RBFOX1: variants seen among roughly 807,000 people sequenced by gnomAD.
RBFOX1 encodes RNA binding fox-1 homolog 1.
Under a neutral mutation model 57.7 loss-of-function variants are expected in RBFOX1, and 8 were observed. The ratio of observed to expected loss-of-function variants is 0.14; its 90% CI spans 0.08 to 0.25. The LOEUF (loss-of-function observed/expected upper bound fraction) is 0.25. Among genes scored for constraint, RBFOX1 ranks in the 10% least tolerant of loss-of-function variants. The probability of loss-of-function intolerance (pLI) is 1.00; values close to 1 mark genes in which losing one functional copy is unlikely to be tolerated. For synonymous variants in RBFOX1, 326 were observed against 222.4 expected (o/e 1.47, Z -4.15); for missense variants, 611 against 548.5 (o/e 1.11, Z -1.14).
chr16:5,377,626 G>A (rs757861123), intron 1 of RBFOX1, among the ~76,000 whole-genome samples: 1 of 150,968 alleles, frequency 6.6e-6, no homozygotes, highest in East Asian at 1.9e-4. Context: ...CAGAGAGAGA[G>A]AGAACGAGAA....
intron 1 of RBFOX1, among the ~76,000 whole-genome samples, chr16:6,118,603 C>G (rs573600320): frequency 4.6e-5 from 7 of 151,872 alleles, no homozygotes; most frequent in Non-Finnish European, 5.9e-5. Context: ...CTCTCTTTCT[C>G]TGTCTCTCTT....
At chr16:5,640,482 C>G (rs11648140) in intron 3 of RBFOX1, among the ~76,000 whole-genome samples, 3 of 151,454 alleles carry the variant, frequency 2.0e-5, no homozygotes, top group Non-Finnish European at 4.4e-5. Flanking sequence ...ACACCATGCA[C>G]ACACATATAT....
chr16:7,612,319 T>A (rs1209204437), intron 10 of RBFOX1, among the ~76,000 whole-genome samples: 1 of 28,504 alleles, frequency 3.5e-5, no homozygotes, highest in African/African-American at 1.6e-4. Flanking sequence ...AGACTCCATC[T>A]CAAAAAAAAA....
intron 1 of RBFOX1, among the ~76,000 whole-genome samples, chr16:5,357,453 A>C (rs1162200693): frequency 6.6e-6 from 1 of 152,238 alleles, no homozygotes; most frequent in East Asian, 1.9e-4. Flanking sequence ...CTACAGGGAG[A>C]GAGGAGACTG....
intron 3 of RBFOX1, among the ~76,000 whole-genome samples, chr16:7,032,512 C>G (rs561531655): frequency 4.2e-4 from 64 of 152,046 alleles, no homozygotes; most frequent in African/African-American, 1.4e-3. Flanking sequence ...AAAATAAAAC[C>G]TATGGTCATG....
chr16:6,926,845 C>A (rs963733628), intron 3 of RBFOX1, among the ~76,000 whole-genome samples: 2 of 152,134 alleles, frequency 1.3e-5, no homozygotes, highest in East Asian at 3.9e-4. Flanking sequence ...AATACATAAA[C>A]ATCCACGTGA....
chr16:5,314,520 A>C (rs537252781), intron 1 of RBFOX1, among the ~76,000 whole-genome samples: 13 of 152,150 alleles, frequency 8.5e-5, no homozygotes, highest in African/African-American at 2.9e-4. Flanking sequence ...TTCTTTTTTG[A>C]GACTGGATCT....
At chr16:6,943,412 G>C (rs983063944) in intron 3 of RBFOX1, among the ~76,000 whole-genome samples, 1 of 152,140 alleles carries the variant, frequency 6.6e-6, no homozygotes, top group Non-Finnish European at 1.5e-5. Flanking sequence ...TCTAACTTAA[G>C]AGTATGGGCC....
At chr16:5,366,234 A>C in intron 1 of RBFOX1, 1 of 415,032 alleles carries the variant, frequency 2.4e-6, no homozygotes, top group Non-Finnish European at 4.6e-6. Flanking sequence ...TGGAGGTGGT[A>C]GCATGGTTCC....
At position 5,756,725 on chromosome 16, in the gene RBFOX1, A is replaced by G. The variant is rs17138539; in HGVS notation, c.319-110578A>G. On this transcript the variant is annotated intron_variant, in intron 3 of 19. Transcript: ENST00000641259. ...TATCACAGCAGAAAGGCTTATACCT[A>G]ATTCTTTGAGCCAAAGAGACCCCAT... Among the ~76,000 whole-genome samples the G allele has an allele frequency of 6.7e-3, 1,013 of 152,238 alleles. 18 individuals are homozygous for G. The highest frequency in any genetic ancestry group is 0.023 in the African/African-American group (969 of 41,522).
intron 1 of RBFOX1, among the ~76,000 whole-genome samples, chr16:6,231,431 C>T (rs2097459421): frequency 6.6e-6 from 1 of 152,094 alleles, no homozygotes; most frequent in Admixed American, 6.6e-5. Context: ...GAATCCTACC[C>T]AGGTGCTATA....
chr16:5,800,124 T>C (rs1272138612), intron 3 of RBFOX1, among the ~76,000 whole-genome samples: 1 of 151,850 alleles, frequency 6.6e-6, no homozygotes, highest in African/African-American at 2.4e-5. Flanking sequence ...TAGGGAGAAG[T>C]AGGTACAGAA....
chr16:6,859,111 G>GTATATATATATATATATATA (rs796794349), intron 3 of RBFOX1, among the ~76,000 whole-genome samples: 1 of 65,126 alleles, frequency 1.5e-5, no homozygotes, highest in Non-Finnish European at 2.7e-5. Context: ...TAAAAAAAGT[G>GTATATATATATATATATATA]TATATATATA....
intron 3 of RBFOX1, among the ~76,000 whole-genome samples, chr16:6,808,275 C>G (rs927249526): frequency 6.6e-6 from 1 of 151,250 alleles, no homozygotes. Context: ...TTTGGAATTA[C>G]CTCTTATCTT....
At chr16:6,283,574 C>T (rs1434459787) in intron 1 of RBFOX1, among the ~76,000 whole-genome samples, 1 of 152,068 alleles carries the variant, frequency 6.6e-6, no homozygotes, top group Non-Finnish European at 1.5e-5. Context: ...ATTAAAAATT[C>T]TCTCCAGAAC....
chr16:7,283,232 G>T (rs1182411986), intron 4 of RBFOX1, among the ~76,000 whole-genome samples: 1 of 151,704 alleles, frequency 6.6e-6, no homozygotes, highest in Non-Finnish European at 1.5e-5. Flanking sequence ...CTCTCTGCTT[G>T]TCTCTCTCTG....
At chr16:5,631,691 C>T (rs960292875) in intron 3 of RBFOX1, among the ~76,000 whole-genome samples, 1 of 152,148 alleles carries the variant, frequency 6.6e-6, no homozygotes, top group Non-Finnish European at 1.5e-5. Context: ...TTGATCATTG[C>T]CTTCCCCTAC....
rs370843876 is a variant in RBFOX1 at position 5,468,449 on chromosome 16, G to A, written c.258+1195G>A. On this transcript the variant is annotated intron_variant, in intron 2 of 2. Transcript: ENST00000585867. ...TCACATAAGTGGAATCATATAGTAA[G>A]TGGCCTTTTGTGTCTGGCTTCTTTT... Among the ~76,000 whole-genome samples, 4 of 152,262 alleles carry A rather than the reference G, an allele frequency of 2.6e-5. No homozygotes were observed. The South Asian group carries it at 6.2e-4, about 24-fold the overall frequency.
chr16:7,386,173 T>C (rs73550742), intron 4 of RBFOX1, among the ~76,000 whole-genome samples: 3,611 of 152,142 alleles, frequency 0.024, 138 homozygotes, highest in African/African-American at 0.084. Context: ...AGATATCAGA[T>C]GTAGGGCAAA....
Sources: gnomAD v4.1 joint callset for allele counts (sites outside exome capture counted in the v4.1 genomes callset) on GRCh38, gnomAD v4.1.1 for gene constraint, MANE v1.5 for transcripts, NCBI Gene and HGNC (gene_info 2026-07-23, HGNC 2026-07-21) for gene names.